The following CNBD1 variants were observed in gnomAD, a reference collection of about 807,000 sequenced individuals.
The protein encoded by CNBD1 is cyclic nucleotide binding domain containing 1.
A neutral mutation model predicts 54.4 loss-of-function variants in CNBD1; 71 were observed. The observed-to-expected ratio is 1.30, with a 90% confidence interval of 1.08 to 1.59. CNBD1 has a LOEUF of 1.59. Ranked by LOEUF, CNBD1 falls within the 40% of genes most tolerant of loss-of-function variation. The pLI is 0.00. For missense variants in CNBD1, 659 were observed against 518.0 expected (o/e 1.27, Z -2.64); for synonymous variants, 182 against 170.7 (o/e 1.07, Z -0.51).
At chr8:87,370,569 G>C (rs543251112) in intron 10 of CNBD1, among the ~76,000 whole-genome samples, 1 of 152,040 alleles carries the variant, frequency 6.6e-6, no homozygotes, top group Non-Finnish European at 1.5e-5. Context: ...CTTTTTGATG[G>C]GGTTGTTTGT....
intron 8 of CNBD1, among the ~76,000 whole-genome samples, chr8:87,322,276 G>C (rs1293117090): frequency 8.1e-6 from 1 of 123,822 alleles, no homozygotes; most frequent in Admixed American, 7.9e-5. Flanking sequence ...GTGTGCATGT[G>C]TCTTTACAGC....
At chr8:87,330,524 G>A (rs1021659085) in intron 8 of CNBD1, among the ~76,000 whole-genome samples, 5 of 151,838 alleles carry the variant, frequency 3.3e-5, no homozygotes, top group Non-Finnish European at 7.4e-5. Context: ...AATTTCTCTT[G>A]AGATTTTATC....
At chr8:87,306,531 C>T (rs1809152366) in intron 8 of CNBD1, among the ~76,000 whole-genome samples, 1 of 152,042 alleles carries the variant, frequency 6.6e-6, no homozygotes, top group Non-Finnish European at 1.5e-5. Flanking sequence ...GATAAAGTAG[C>T]TGTGATGATG....
intron 4 of CNBD1, among the ~76,000 whole-genome samples, chr8:87,121,316 G>A (rs143241522): frequency 6.6e-6 from 1 of 151,564 alleles, no homozygotes; most frequent in Non-Finnish European, 1.5e-5. Flanking sequence ...AATAAAATTA[G>A]ACTACAAAAT....
At chr8:87,392,023 A>G (rs1347368654) in intron 2 of CNBD1, among the ~76,000 whole-genome samples, 2 of 152,056 alleles carry the variant, frequency 1.3e-5, no homozygotes, top group African/African-American at 2.4e-5. Flanking sequence ...CCTTTCTCTA[A>G]AGAAGAATGG....
intron 5 of CNBD1, among the ~76,000 whole-genome samples, chr8:87,226,630 T>C (rs1814500267): frequency 6.6e-6 from 1 of 151,722 alleles, no homozygotes; most frequent in East Asian, 1.9e-4. Flanking sequence ...TTCTGTTCTT[T>C]TGCATTTTCT....
intron 4 of CNBD1, among the ~76,000 whole-genome samples, chr8:87,043,256 A>G (rs764760470): frequency 2.6e-5 from 4 of 152,176 alleles, no homozygotes; most frequent in East Asian, 1.9e-4. Flanking sequence ...TTTCTCCCCA[A>G]TCTAGGACCC....
intron 4 of CNBD1, among the ~76,000 whole-genome samples, chr8:86,957,357 G>A (rs58606544): frequency 6.6e-6 from 1 of 152,152 alleles, no homozygotes; most frequent in Non-Finnish European, 1.5e-5. Flanking sequence ...ATGAGTTAGG[G>A]AGGATTCCCT....
At chr8:87,067,769 T>G (rs1810683520) in intron 4 of CNBD1, among the ~76,000 whole-genome samples, 1 of 151,968 alleles carries the variant, frequency 6.6e-6, no homozygotes, top group South Asian at 2.1e-4. Flanking sequence ...ACTTGTCTCT[T>G]TAAAGTGCGA....
intron 8 of CNBD1, among the ~76,000 whole-genome samples, chr8:87,320,132 A>G (rs541374553): frequency 6.6e-6 from 1 of 152,208 alleles, no homozygotes; most frequent in Admixed American, 6.6e-5. Flanking sequence ...TTTAACTCCA[A>G]AAGAGAAAAA....
intron 8 of CNBD1, among the ~76,000 whole-genome samples, chr8:87,324,012 A>C (rs1357761850): frequency 7.8e-6 from 1 of 129,006 alleles, no homozygotes; most frequent in African/African-American, 2.9e-5. Flanking sequence ...TTTAGCATGA[A>C]GGGTTGTTGA....
chr8:86,964,589 T>A (rs1277492335), intron 4 of CNBD1, among the ~76,000 whole-genome samples: 2 of 152,172 alleles, frequency 1.3e-5, no homozygotes, highest in Non-Finnish European at 2.9e-5. Context: ...CTTAATTTGC[T>A]GTAAGCCCTG....
intron 2 of CNBD1, among the ~76,000 whole-genome samples, chr8:87,411,588 T>A (rs1434680871): frequency 6.6e-6 from 1 of 150,730 alleles, no homozygotes; most frequent in Admixed American, 6.7e-5. Flanking sequence ...TTATTGAAGT[T>A]TTATGTATAT....
chr8:87,309,077 G>T (rs114570516), intron 8 of CNBD1, among the ~76,000 whole-genome samples: 1 of 152,050 alleles, frequency 6.6e-6, no homozygotes, highest in South Asian at 2.1e-4. Flanking sequence ...CCTTTGAAAT[G>T]CTGATTTTCG....
intron 6 of CNBD1, among the ~76,000 whole-genome samples, chr8:87,243,965 T>C (rs1384849666): frequency 2.0e-5 from 3 of 152,100 alleles, no homozygotes; most frequent in Non-Finnish European, 2.9e-5. Context: ...TATAAATTTA[T>C]GGGGAATATG....
chr8:87,207,968 C>A (rs1002337042), intron 5 of CNBD1, among the ~76,000 whole-genome samples: 2 of 152,154 alleles, frequency 1.3e-5, no homozygotes. Context: ...AAATATATGA[C>A]CTTTGTAGAT....
At chr8:86,977,887 A>T (rs1382290649) in intron 4 of CNBD1, among the ~76,000 whole-genome samples, 2 of 152,152 alleles carry the variant, frequency 1.3e-5, no homozygotes, top group Non-Finnish European at 2.9e-5. Context: ...ATTTTAAGAG[A>T]TGAGTATTAT....
intron 2 of CNBD1, among the ~76,000 whole-genome samples, chr8:87,408,240 C>T (rs1322110209): frequency 1.3e-5 from 2 of 151,938 alleles, no homozygotes; most frequent in Non-Finnish European, 2.9e-5. Context: ...GTTTGTCAGA[C>T]CTTTTCTTAC....
At chr8:86,870,187 C>CTTTTTTTT (rs1420611337) in intron 1 of CNBD1, among the ~76,000 whole-genome samples, 2 of 47,776 alleles carry the variant, frequency 4.2e-5, no homozygotes, top group African/African-American at 2.3e-4. Context: ...CAAGATAGTA[C>CTTTTTTTT]TCTTTTTTTT....
Sources: allele counts gnomAD v4.1 joint callset (sites outside exome capture counted in the v4.1 genomes callset), GRCh38; gene constraint gnomAD v4.1.1; transcripts MANE v1.5; gene names NCBI Gene and HGNC (gene_info 2026-07-23, HGNC 2026-07-21).